AFG2A: variants seen among roughly 807,000 people sequenced by gnomAD.
AFG2A encodes the protein ATPase family gene 2 protein homolog A.
the AFG2A span, among the ~76,000 whole-genome samples, chr4:123,195,421 T>A: frequency 6.9e-6 from 1 of 145,904 alleles, no homozygotes; most frequent in African/African-American, 2.4e-5. Context: ...TCAAAACTTT[T>A]ATTTAAAAAT....
chr4:123,267,731 T>C, the AFG2A span, among the ~76,000 whole-genome samples: 1 of 152,062 alleles, frequency 6.6e-6, no homozygotes, highest in African/African-American at 2.4e-5. Flanking sequence ...CAAATTAGTA[T>C]CAAAAGATTT....
chr4:122,963,299 A>C, the AFG2A span, among the ~76,000 whole-genome samples: 8 of 152,206 alleles, frequency 5.3e-5, no homozygotes, highest in African/African-American at 1.9e-4. Context: ...ACTGTCATTC[A>C]AAGGTTGGGT....
At chr4:123,136,262 G>A in the AFG2A span, among the ~76,000 whole-genome samples, 271 of 152,286 alleles carry the variant, frequency 1.8e-3, no homozygotes, top group Admixed American at 2.9e-3. Context: ...GGCCGGGTGC[G>A]GTGGCTTACG....
At chr4:123,296,891 A>G in the AFG2A span, among the ~76,000 whole-genome samples, 1 of 152,204 alleles carries the variant, frequency 6.6e-6, no homozygotes, top group Admixed American at 6.5e-5. Flanking sequence ...CTGTTGTGAA[A>G]GATACTTCAA....
At chr4:123,110,990 A>C in the AFG2A span, among the ~76,000 whole-genome samples, 1 of 152,178 alleles carries the variant, frequency 6.6e-6, no homozygotes, top group Admixed American at 6.5e-5. Flanking sequence ...ATGTGTTAGA[A>C]AACTTATACT....
chr4:123,219,473 G>A, the AFG2A span, among the ~76,000 whole-genome samples: 1 of 151,986 alleles, frequency 6.6e-6, no homozygotes, highest in South Asian at 2.1e-4. Flanking sequence ...GGCATCCCTC[G>A]GTTCAGTCAC....
chr4:123,087,006 GT>G, the AFG2A span, among the ~76,000 whole-genome samples: 1 of 152,084 alleles, frequency 6.6e-6, no homozygotes, highest in East Asian at 1.9e-4. Context: ...ATTAATCATA[GT>G]TTTTTAAAAA....
At chr4:123,081,421 G>C in the AFG2A span, among the ~76,000 whole-genome samples, 3 of 152,132 alleles carry the variant, frequency 2.0e-5, no homozygotes, top group Non-Finnish European at 4.4e-5. Context: ...CTTTCATGTA[G>C]TAGTATGCAT....
the AFG2A span, chr4:123,256,588 A>G: frequency 1.2e-5 from 7 of 583,314 alleles, no homozygotes; most frequent in African/African-American, 1.0e-4. Flanking sequence ...GAGCATAGAA[A>G]TAAAATTAGG....
the AFG2A span, among the ~76,000 whole-genome samples, chr4:123,069,059 G>A: frequency 3.9e-5 from 6 of 152,072 alleles, no homozygotes; most frequent in South Asian, 2.1e-4. Flanking sequence ...AAGTGGGTTC[G>A]ACTCACAAAA....
At chr4:123,285,939 C>T in the AFG2A span, among the ~76,000 whole-genome samples, 8 of 152,152 alleles carry the variant, frequency 5.3e-5, no homozygotes, top group African/African-American at 1.9e-4. Context: ...GGTGGTAGTG[C>T]TAATAGTGCT....
chr4:123,184,528 A>ATTTTTTT, the AFG2A span, among the ~76,000 whole-genome samples: 6 of 80,910 alleles, frequency 7.4e-5, no homozygotes, highest in African/African-American at 2.7e-4. Context: ...CAGCATGATC[A>ATTTTTTT]TTTCTTTTTT....
chr4:123,138,515 T>C, the AFG2A span, among the ~76,000 whole-genome samples: 21 of 152,300 alleles, frequency 1.4e-4, no homozygotes, highest in African/African-American at 5.1e-4. Flanking sequence ...ACTTTAAACA[T>C]TTTTGATATT....
chr4:123,256,199 A>G, the AFG2A span: 1 of 1,612,386 alleles, frequency 6.2e-7, no homozygotes, highest in Non-Finnish European at 8.5e-7. Context: ...GTTCCCTTCA[A>G]AATACCTTAG....
the AFG2A span, among the ~76,000 whole-genome samples, chr4:123,254,364 AAG>A: frequency 2.6e-5 from 4 of 152,116 alleles, no homozygotes; most frequent in Non-Finnish European, 5.9e-5. Context: ...ACCATTTCTT[AAG>A]ATAATTTCCT....
chr4:123,103,475 G>A, the AFG2A span, among the ~76,000 whole-genome samples: 3 of 152,026 alleles, frequency 2.0e-5, no homozygotes, highest in East Asian at 3.8e-4. Flanking sequence ...TTGTTTAATT[G>A]TGCAAGTTTA....
the AFG2A span, among the ~76,000 whole-genome samples, chr4:122,941,518 T>G: frequency 6.6e-6 from 1 of 152,290 alleles, no homozygotes; most frequent in Non-Finnish European, 1.5e-5. Context: ...GCTTATCAGC[T>G]TAAGGAAGTT....
chr4:123,046,498 T>G, the AFG2A span, among the ~76,000 whole-genome samples: 1 of 152,232 alleles, frequency 6.6e-6, no homozygotes, highest in African/African-American at 2.4e-5. Flanking sequence ...ACGCATTTAT[T>G]TTTGTATTTT....
At chr4:123,025,430 G>C in the AFG2A span, among the ~76,000 whole-genome samples, 1 of 152,164 alleles carries the variant, frequency 6.6e-6, no homozygotes, top group African/African-American at 2.4e-5. Flanking sequence ...GGGGAGAGTT[G>C]ATTGATCCAA....
Sources: gnomAD v4.1 joint callset for allele counts (sites outside exome capture counted in the v4.1 genomes callset) on GRCh38, gnomAD v4.1.1 for gene constraint, MANE v1.5 for transcripts, NCBI Gene and HGNC (gene_info 2026-07-23, HGNC 2026-07-21) for gene names.